The following MEGF10 variants were observed in gnomAD, a reference collection of about 807,000 sequenced individuals.
The protein encoded by MEGF10 is multiple epidermal growth factor-like domains protein 10.
Under a neutral mutation model 147.5 loss-of-function variants are expected in MEGF10, and 86 were observed. That is an observed-to-expected ratio of 0.58 (90% CI 0.49 to 0.70). The LOEUF is 0.70. MEGF10 is among the 30% of genes least tolerant of loss of function. MEGF10 has a pLI of 0.00. For missense variants in MEGF10, 1,329 were observed against 1,487.3 expected, an observed-to-expected ratio of 0.89 and a Z score of 1.75; for synonymous variants, 478 against 525.5, an observed-to-expected ratio of 0.91 and a Z score of 1.24.
At chr5:127,434,577 T>G (rs1331820545) in intron 14 of MEGF10, 110 bp from the exon 15 acceptor site, 1 of 1,234,562 alleles carries the variant, frequency 8.1e-7, no homozygotes, top group Admixed American at 3.2e-5. Context: ...TTTTTTACTT[T>G]TTTTTAAGGT....
intron 5 of MEGF10, among the ~76,000 whole-genome samples, chr5:127,385,237 T>C (rs1255453530): frequency 1.3e-5 from 2 of 152,226 alleles, no homozygotes; most frequent in African/African-American, 4.8e-5. Context: ...CCAAACCTCA[T>C]ATAAATATAT....
At chr5:127,287,863 A>C (rs978136864), upstream of MEGF10, among the ~76,000 whole-genome samples, 3 of 152,078 alleles carry the variant, frequency 2.0e-5, no homozygotes, top group Non-Finnish European at 4.4e-5. Flanking sequence ...AAGTTATAGC[A>C]ATCTGAACAG....
Position 127,455,605 on chromosome 5 carries a change from T to C in MEGF10, c.3230T>C (p.Val1077Ala). The C allele has an allele frequency of 1.2e-6, 2 of 1,613,946 alleles. No homozygotes were observed. The highest frequency in any genetic ancestry group is 1.7e-6 in the Non-Finnish European group (2 of 1,179,920). Residue 1077 changes from valine (V) to alanine (A), a missense_variant and splice_region_variant, in exon 24 of 25, where the codon GTT (valine) becomes GCT (alanine). Physicochemically the swap from Val to Ala is moderately conservative, Grantham distance 64. Coordinates refer to ENST00000503335, the MANE Select transcript of MEGF10 (RefSeq NM_001256545.2). ...STSANRNVYEVEPTVSVVQGV... is the reference protein window; with the variant it reads ...STSANRNVYEAEPTVSVVQGV... ...TCAGCCAACAGGAATGTCTATGAAG[T>C]TGGTGAGTTCCCTTAACCATAGAAA...
At chr5:127,336,539 G>A (rs1011973871) in intron 2 of MEGF10, among the ~76,000 whole-genome samples, 7 of 152,012 alleles carry the variant, frequency 4.6e-5, no homozygotes, top group East Asian at 3.9e-4. Context: ...ACTCTTTTTG[G>A]TTCCTAGAAA....
At chr5:127,340,682 T>A in intron 4 of MEGF10, 52 bp downstream of exon 4, 1 of 1,458,352 alleles carries the variant, frequency 6.9e-7, no homozygotes, top group Non-Finnish European at 9.6e-7. Context: ...CCAGTGCTGG[T>A]TTGCTTCCAT....
At position 127,459,790 on chromosome 5, in the gene MEGF10, T is replaced by G. The variant is rs1766499225; in HGVS notation, c.*2472T>G. The G allele has an allele frequency of 6.6e-6, 1 of 152,204 alleles. No homozygotes were observed. Among genetic ancestry groups the G allele is most frequent in the African/African-American group, 2.4e-5 (1 of 41,454 alleles). The allele number at this position is 152,204 out of a possible 1,614,324, so 9.4% of individuals were successfully genotyped here. ...TTCTTATTAGAGCTTACTCAGGACT[T>G]TTCAAACATCAGGACACACATAGCA... is the stretch of plus-strand genomic sequence containing the variant. On this transcript the variant is annotated 3_prime_UTR_variant, in exon 25 of 25. Coordinates refer to ENST00000503335, the MANE Select transcript of MEGF10 (RefSeq NM_001256545.2).
At chr5:127,288,485 A>C, upstream of MEGF10, among the ~76,000 whole-genome samples, 1 of 152,200 alleles carries the variant, frequency 6.6e-6, no homozygotes, top group East Asian at 1.9e-4. Flanking sequence ...GCTGGTAAAC[A>C]TCTTTTATGG....
rs754070045 is a variant in MEGF10, at chr5:127,420,038, G to A, written c.1427-6G>A. The A allele has an allele frequency of 6.2e-6, 10 of 1,613,406 alleles. No homozygotes were observed. Among genetic ancestry groups the A allele is most frequent in the South Asian group, 3.3e-5 (3 of 91,006 alleles). ...GCTCACGTGCTCTGGCGTTCTTGTC[G>A]CACAGGCTGGCACGGGGTGGACTGC... is the stretch of plus-strand genomic sequence containing the variant. On this transcript the variant is annotated splice_polypyrimidine_tract_variant and splice_region_variant and intron_variant, in intron 11 of 24. Coordinates refer to ENST00000503335, the MANE Select transcript of MEGF10 (RefSeq NM_001256545.2).
At chr5:127,255,239 A>G in the MEGF10 span, among the ~76,000 whole-genome samples, 1 of 152,140 alleles carries the variant, frequency 6.6e-6, no homozygotes, top group South Asian at 2.1e-4. Flanking sequence ...AGGTTTTACA[A>G]TAGTGATGTT....
In MEGF10 at chr5:127,396,722, C is replaced by G; in HGVS notation, c.603C>G (p.Ala201=). 6.2e-7 allele frequency: 1 copy of G among 1,614,088 alleles called. No individual in the cohort carries two copies. Residue 201 remains alanine (A), a synonymous_variant, in exon 6 of 25, where the codon GCC becomes GCG. Transcript: ENST00000503335. ...CHQRCQCQNG[A]TCDHVTGECR... ...AGAGATGCCAGTGCCAGAATGGAGC[C>G]ACCTGCGACCACGTCACGGGGGAAT...
the MEGF10 span, among the ~76,000 whole-genome samples, chr5:127,267,663 G>A: frequency 6.6e-6 from 1 of 152,262 alleles, no homozygotes; most frequent in Non-Finnish European, 1.5e-5. Flanking sequence ...GGGTGTATGT[G>A]TCCAGGAATT....
At chr5:127,326,915 T>C (rs1184542316) in intron 1 of MEGF10, among the ~76,000 whole-genome samples, 2 of 152,218 alleles carry the variant, frequency 1.3e-5, no homozygotes, top group African/African-American at 4.8e-5. Flanking sequence ...AGGAATCATC[T>C]GGAATAATTT....
chr5:127,372,168 A>T (rs1439842945), intron 5 of MEGF10, among the ~76,000 whole-genome samples: 1 of 152,186 alleles, frequency 6.6e-6, no homozygotes, highest in Non-Finnish European at 1.5e-5. Context: ...TGCTTTGGTT[A>T]TTGTTATGCA....
At chr5:127,310,324 A>G (rs1242326433) in intron 1 of MEGF10, among the ~76,000 whole-genome samples, 1 of 151,766 alleles carries the variant, frequency 6.6e-6, no homozygotes, top group Non-Finnish European at 1.5e-5. Flanking sequence ...TTGATCCTTT[A>G]TCATGTATTA....
At position 127,398,699 on chromosome 5, in the gene MEGF10, G is replaced by A. The variant is rs765966085; in HGVS notation, c.683G>A (p.Gly228Asp). ...AGCTGTGAGGATCTTTGTCCTCCTG[G>A]TAAACATGGTCCACAGTGTGAGCAG... ...GAFCEDLCPP[G>D]KHGPQCEQRC... The change falls in exon 7 of 25, where the codon GGT (glycine) becomes GAT (aspartate). Residue 228 changes from glycine (G) to aspartate (D), a missense_variant. Coordinates refer to ENST00000503335, the MANE Select transcript of MEGF10 (RefSeq NM_001256545.2). The A allele has an allele frequency of 1.9e-6, 3 of 1,614,090 alleles. No homozygotes were observed. The highest frequency in any genetic ancestry group is 2.2e-5 in the South Asian group (2 of 91,062).
chr5:127,415,834 T>C (rs1229241371), intron 9 of MEGF10, among the ~76,000 whole-genome samples: 1 of 148,442 alleles, frequency 6.7e-6, no homozygotes, highest in Admixed American at 6.7e-5. Flanking sequence ...ATGGTGGAGA[T>C]TGTAGTGAGC....
chr5:127,345,981 A>C (rs1420230725), intron 4 of MEGF10, among the ~76,000 whole-genome samples: 2 of 152,190 alleles, frequency 1.3e-5, no homozygotes, highest in Non-Finnish European at 2.9e-5. Context: ...CTTCACTTAG[A>C]ATAACGGTTC....
At chr5:127,247,398 GAAGAAGAAGAAGAAGAAGAA>G in the MEGF10 span, among the ~76,000 whole-genome samples, 5 of 47,658 alleles carry the variant, frequency 1.0e-4, 2 homozygotes, top group African/African-American at 5.1e-4. Context: ...AGAAGAAGAA[GAAGAAGAAGAAGAAGAAGAA>G]GAAGAAGAAG....
the MEGF10 span, among the ~76,000 whole-genome samples, chr5:127,247,399 A>AGAAGGAGAAGGAGAAGG: frequency 2.2e-5 from 1 of 45,174 alleles, no homozygotes; most frequent in East Asian, 4.9e-4. Context: ...GAAGAAGAAG[A>AGAAGGAGAAGGAGAAGG]AGAAGAAGAA....
Sources: gnomAD v4.1 joint callset for allele counts (sites outside exome capture counted in the v4.1 genomes callset) on GRCh38, gnomAD v4.1.1 for gene constraint, MANE v1.5 for transcripts, NCBI Gene and HGNC (gene_info 2026-07-23, HGNC 2026-07-21) for gene names.